The following CCDC126 variants were observed in gnomAD, a reference collection of about 807,000 sequenced individuals.
CCDC126 encodes the protein coiled-coil domain-containing protein 126.
A neutral mutation model predicts 11.7 loss-of-function variants in CCDC126; 5 were observed. The ratio of observed to expected loss-of-function variants is 0.43; its 90% confidence interval spans 0.22 to 0.90. The LOEUF (loss-of-function observed/expected upper bound fraction) is 0.90, where lower values mean the gene tolerates loss of function less well. Among genes scored for constraint, CCDC126 ranks in the 40% least tolerant of loss-of-function variants. The pLI is 0.27. For synonymous variants in CCDC126, 60 were observed against 61.9 expected (o/e 0.97, Z 0.14); for missense variants, 150 against 163.1 (o/e 0.92, Z 0.44).
At position 23,622,360 on chromosome 7, in the gene CCDC126, A is replaced by T. The variant is rs1387973362; in HGVS notation, c.238+10807A>T. ...CCATTTCTTCTAGATTTTCTAGTTT[A>T]TTTGTGTAGAGGTGTTTATAGTATT... On this transcript the variant is annotated intron_variant, in intron 3 of 3. Coordinates refer to ENST00000307471, the MANE Select transcript of CCDC126 (RefSeq NM_138771.4). 1.1e-5 allele frequency: 3 copies of T among 264,442 alleles called. No homozygotes were observed. In the Admixed American group the frequency reaches 1.6e-4, roughly 14 times the overall value. The allele number at this position is 264,442 out of a possible 1,614,324, so 16.4% of individuals were successfully genotyped here. A position where few individuals can be genotyped will look rare whatever the true frequency, so the allele number is the denominator to read the frequency against.
chr7:23,632,447 A>G (rs1783132344), intron 3 of CCDC126, among the ~76,000 whole-genome samples: 1 of 152,234 alleles, frequency 6.6e-6, no homozygotes, highest in Non-Finnish European at 1.5e-5. Flanking sequence ...TTTGAAGATC[A>G]ATCATTGTAA....
chr7:23,628,351 A>G (rs1783049065), intron 3 of CCDC126, among the ~76,000 whole-genome samples: 1 of 152,222 alleles, frequency 6.6e-6, no homozygotes, highest in Admixed American at 6.5e-5. Flanking sequence ...GTTGGAGCTG[A>G]AGAAGTCAGC....
intron 3 of CCDC126, among the ~76,000 whole-genome samples, chr7:23,616,831 G>A (rs901246583): frequency 2.0e-5 from 3 of 151,858 alleles, no homozygotes; most frequent in African/African-American, 7.3e-5. Flanking sequence ...TTCAATTCTG[G>A]GATATTTTCT....
chr7:23,635,986 G>C (rs1463121159), intron 3 of CCDC126, among the ~76,000 whole-genome samples: 2 of 151,722 alleles, frequency 1.3e-5, no homozygotes, highest in Non-Finnish European at 2.9e-5. Flanking sequence ...CTCCCTGCCT[G>C]ATTCTCCTGC....
intron 3 of CCDC126, among the ~76,000 whole-genome samples, chr7:23,612,750 C>T (rs1305813671): frequency 6.6e-6 from 1 of 152,052 alleles, no homozygotes; most frequent in Non-Finnish European, 1.5e-5. Flanking sequence ...TTTAAATTTT[C>T]CTGATTATCC....
intron 3 of CCDC126, among the ~76,000 whole-genome samples, chr7:23,631,029 T>A (rs571932833): frequency 6.6e-6 from 1 of 152,190 alleles, no homozygotes; most frequent in South Asian, 2.1e-4. Flanking sequence ...TTTAGATTTA[T>A]GCACTAAGTG....
intron 3 of CCDC126, among the ~76,000 whole-genome samples, chr7:23,638,017 G>A (rs1435762700): frequency 7.7e-6 from 1 of 129,498 alleles, no homozygotes; most frequent in Admixed American, 7.7e-5. Context: ...GGTGAGGAGC[G>A]CCTCTGCCCG....
At chr7:23,617,649 C>T (rs1411059829) in intron 3 of CCDC126, among the ~76,000 whole-genome samples, 2 of 152,064 alleles carry the variant, frequency 1.3e-5, no homozygotes, top group African/African-American at 2.4e-5. Flanking sequence ...GCAGTAAGGG[C>T]ACAGTGCTCC....
rs114807691 is a variant in CCDC126 at position 23,612,610 on chromosome 7, A to T, written c.238+1057A>T. On this transcript the variant is annotated intron_variant, in intron 3 of 3. Coordinates refer to ENST00000307471, the MANE Select transcript of CCDC126 (RefSeq NM_138771.4). Reference sequence around the variant, plus strand: ...ATGGCTTGAGCCCAAGAGGTCAAGGATACAGTGAGCCATGTCTGCACCACT... The same window carrying T: ...ATGGCTTGAGCCCAAGAGGTCAAGGTTACAGTGAGCCATGTCTGCACCACT... Among the ~76,000 whole-genome samples the T allele has an allele frequency of 9.6e-3, 1,459 of 151,700 alleles. 24 individuals carry two copies. The highest frequency in any genetic ancestry group is 0.034 in the African/African-American group (1,401 of 41,316).
chr7:23,631,419 A>G (rs755724503), intron 3 of CCDC126, among the ~76,000 whole-genome samples: 12 of 152,162 alleles, frequency 7.9e-5, no homozygotes, highest in Non-Finnish European at 1.6e-4. Context: ...TCAAAAAACA[A>G]ATTGCCGCAA....
At position 23,625,692 on chromosome 7, in the gene CCDC126, G is replaced by T. The variant is rs576175951; in HGVS notation, c.238+14139G>T. Among the ~76,000 whole-genome samples the T allele has an allele frequency of 1.5e-3, 164 of 107,846 alleles. 1 individual carries two copies. Among genetic ancestry groups the T allele is most frequent in the African/African-American group, 6.1e-3 (162 of 26,602 alleles). 70.8% of individuals were successfully genotyped at this position (107,846 alleles called of 152,430 possible). ...TTTTTTTGAGGCAGAGTCTTGCTCT[G>T]TTGCCCAGGCTGGAGTGCAATGGCG... On this transcript the variant is annotated intron_variant, in intron 3 of 3. Coordinates refer to ENST00000307471, the MANE Select transcript of CCDC126 (RefSeq NM_138771.4).
chr7:23,621,670 G>C (rs1437410456), intron 3 of CCDC126, among the ~76,000 whole-genome samples: 1 of 152,196 alleles, frequency 6.6e-6, no homozygotes, highest in African/African-American at 2.4e-5. Flanking sequence ...TTTTCAAAGG[G>C]AATGCTTCCA....
chr7:23,617,491 A>G (rs1159054735), intron 3 of CCDC126, among the ~76,000 whole-genome samples: 3 of 150,168 alleles, frequency 2.0e-5, no homozygotes, highest in Admixed American at 6.7e-5. Flanking sequence ...CTTTGTCTGT[A>G]TTTGAGAAAT....
chr7:23,640,604 A>G (rs1783337578), intron 3 of CCDC126, among the ~76,000 whole-genome samples: 1 of 152,184 alleles, frequency 6.6e-6, no homozygotes. Flanking sequence ...TACCACTCCA[A>G]ACAAGAAATC....
chr7:23,600,838 C>T (rs1352304184), intron 2 of CCDC126, among the ~76,000 whole-genome samples: 1 of 152,150 alleles, frequency 6.6e-6, no homozygotes, highest in African/African-American at 2.4e-5. Flanking sequence ...TACTTCATGA[C>T]AGATGACAGG....
intron 3 of CCDC126, among the ~76,000 whole-genome samples, chr7:23,619,916 C>G (rs899783961): frequency 6.6e-6 from 1 of 151,792 alleles, no homozygotes. Flanking sequence ...TGAACTCATC[C>G]TTTTTTATGG....
chr7:23,638,750 A>G (rs1303694403), intron 3 of CCDC126, among the ~76,000 whole-genome samples: 1 of 140,966 alleles, frequency 7.1e-6, no homozygotes, highest in Non-Finnish European at 1.6e-5. Context: ...AAAAAAACCA[A>G]AAAGATCTAT....
At chr7:23,632,705 A>G (rs1783136196) in intron 3 of CCDC126, among the ~76,000 whole-genome samples, 1 of 152,246 alleles carries the variant, frequency 6.6e-6, no homozygotes, top group Non-Finnish European at 1.5e-5. Context: ...ATCTCAAAAC[A>G]AAAAGTTAAT....
intron 3 of CCDC126, among the ~76,000 whole-genome samples, chr7:23,625,561 T>C (rs890539949): frequency 2.6e-5 from 4 of 152,156 alleles, no homozygotes; most frequent in Non-Finnish European, 5.9e-5. Flanking sequence ...TTGTTGGCTG[T>C]TTGTATTTCT....
Sources: gnomAD v4.1 joint callset for allele counts (sites outside exome capture counted in the v4.1 genomes callset) on GRCh38, gnomAD v4.1.1 for gene constraint, MANE v1.5 for transcripts, NCBI Gene and HGNC (gene_info 2026-07-23, HGNC 2026-07-21) for gene names.